Variants in PTN observed in about 807,000 individuals in gnomAD.
PTN encodes the protein pleiotrophin.
A neutral mutation model predicts 24.1 loss-of-function variants in PTN; 18 were observed. The ratio of observed to expected loss-of-function variants is 0.75; its 90% CI spans 0.52 to 1.11. PTN has a LOEUF of 1.11. PTN is among the 50% of genes least tolerant of loss of function. PTN has a pLI of 0.00. For synonymous variants in PTN, 78 were observed against 68.6 expected (o/e 1.14, Z -0.67); for missense variants, 163 against 198.8 (o/e 0.82, Z 1.08).
At chr7:137,237,756 C>T (rs1808549336) in intron 4 of PTN, among the ~76,000 whole-genome samples, 1 of 152,128 alleles carries the variant, frequency 6.6e-6, no homozygotes, top group African/African-American at 2.4e-5. Flanking sequence ...CTGTCTATAG[C>T]AGCAGCAGCA....
In PTN at chr7:137,254,959, C is replaced by T. The variant is rs761781300; in HGVS notation, c.15G>A (p.Gln5=). The change falls in exon 2 of 5, where the codon CAG becomes CAA. Residue 5 remains glutamine, a synonymous_variant. Transcript: ENST00000348225. ...CAAATTTTCGACGCTGCTGCTGGTA[C>T]TGTTGAGCCTGCATTCTAGGAATAA... is the stretch of plus-strand genomic sequence containing the variant. MQAQ[Q]YQQQRRKFAA... The T allele has an allele frequency of 2.6e-6, 4 of 1,547,462 alleles. No individual in the cohort carries two copies. The South Asian group carries it at 4.8e-5, about 19-fold the overall frequency.
chr7:137,318,111 A>T (rs972353119), intron 1 of PTN, among the ~76,000 whole-genome samples: 23 of 152,018 alleles, frequency 1.5e-4, no homozygotes, highest in Non-Finnish European at 3.1e-4. Context: ...TACTGAAAAT[A>T]AAAAAAATCA....
intron 1 of PTN, among the ~76,000 whole-genome samples, chr7:137,297,723 C>T (rs1431097): frequency 0.028 from 4,304 of 152,052 alleles, 93 homozygotes; most frequent in African/African-American, 0.058. Context: ...CCTCCATTGG[C>T]CAAAGCAAAG....
At chr7:137,306,937 C>T (rs1002507757) in intron 1 of PTN, among the ~76,000 whole-genome samples, 10 of 152,084 alleles carry the variant, frequency 6.6e-5, no homozygotes, top group East Asian at 3.9e-4. Flanking sequence ...CACACAATCT[C>T]GGGTGGTTAC....
At chr7:137,299,834 G>A (rs1427172999) in intron 1 of PTN, among the ~76,000 whole-genome samples, 1 of 151,884 alleles carries the variant, frequency 6.6e-6, no homozygotes, top group Non-Finnish European at 1.5e-5. Flanking sequence ...CAGAGACCCT[G>A]TCCTGACCCT....
intron 1 of PTN, among the ~76,000 whole-genome samples, chr7:137,321,695 T>C (rs140109832): frequency 1.3e-5 from 2 of 152,218 alleles, no homozygotes; most frequent in African/African-American, 4.8e-5. Flanking sequence ...CATTTCTCAG[T>C]AGCGCTATGG....
At chr7:137,275,679 T>C (rs751731667) in intron 1 of PTN, among the ~76,000 whole-genome samples, 21 of 130,498 alleles carry the variant, frequency 1.6e-4, no homozygotes, top group Admixed American at 8.0e-4. Context: ...GCAAACTGAA[T>C]TAGGTTCTGA....
chr7:137,286,199 T>C (rs1400281415), intron 1 of PTN, among the ~76,000 whole-genome samples: 1 of 152,186 alleles, frequency 6.6e-6, no homozygotes, highest in Non-Finnish European at 1.5e-5. Context: ...TTAAGATAGA[T>C]AAAGTCATTG....
chr7:137,310,869 A>C (rs1809970227), intron 1 of PTN, among the ~76,000 whole-genome samples: 1 of 152,120 alleles, frequency 6.6e-6, no homozygotes, highest in African/African-American at 2.4e-5. Context: ...CTTTCCTTAA[A>C]CCTCATGAAC....
At chr7:137,296,753 A>G (rs1194764777) in intron 1 of PTN, among the ~76,000 whole-genome samples, 1 of 152,054 alleles carries the variant, frequency 6.6e-6, no homozygotes, top group Non-Finnish European at 1.5e-5. Context: ...GCACCACACC[A>G]CTTAGCCCAT....
At chr7:137,285,036 T>C (rs767504968) in intron 1 of PTN, among the ~76,000 whole-genome samples, 2 of 152,148 alleles carry the variant, frequency 1.3e-5, no homozygotes, top group African/African-American at 2.4e-5. Context: ...ACTGAAGGTA[T>C]TACCTGACTA....
intron 1 of PTN, among the ~76,000 whole-genome samples, chr7:137,292,457 G>A (rs1337962326): frequency 6.6e-6 from 1 of 152,182 alleles, no homozygotes; most frequent in East Asian, 1.9e-4. Context: ...GTTTTATAAA[G>A]GAGAGTTCCC....
chr7:137,339,770 G>C (rs1263485664), intron 1 of PTN, among the ~76,000 whole-genome samples: 3 of 152,042 alleles, frequency 2.0e-5, no homozygotes, highest in African/African-American at 4.8e-5. Context: ...TGTTGGGTGG[G>C]AAATAGTGGC....
intron 4 of PTN, among the ~76,000 whole-genome samples, chr7:137,234,609 C>G (rs1393692913): frequency 6.6e-6 from 1 of 151,918 alleles, no homozygotes; most frequent in Non-Finnish European, 1.5e-5. Context: ...TTAAGAAAAT[C>G]TGGGAGAAAT....
At chr7:137,304,955 G>A (rs563505809) in intron 1 of PTN, among the ~76,000 whole-genome samples, 24 of 152,144 alleles carry the variant, frequency 1.6e-4, no homozygotes, top group African/African-American at 5.1e-4. Context: ...TATAGCGGCC[G>A]TATTATTTAG....
intron 1 of PTN, among the ~76,000 whole-genome samples, chr7:137,303,612 A>G (rs540563833): frequency 6.6e-6 from 1 of 152,158 alleles, no homozygotes; most frequent in Admixed American, 6.6e-5. Context: ...AGACAAATAA[A>G]ATGGAAAAGT....
At chr7:137,338,067 G>A (rs574269982) in intron 1 of PTN, among the ~76,000 whole-genome samples, 1 of 152,132 alleles carries the variant, frequency 6.6e-6, no homozygotes, top group Non-Finnish European at 1.5e-5. Context: ...ACTATAAGGG[G>A]TGATGGGGAG....
intron 1 of PTN, among the ~76,000 whole-genome samples, chr7:137,320,229 A>G (rs565738015): frequency 1.3e-5 from 2 of 152,348 alleles, no homozygotes; most frequent in East Asian, 3.9e-4. Context: ...TAATTCGCCC[A>G]CACATTCACA....
At chr7:137,312,788 G>A (rs776859770) in intron 1 of PTN, among the ~76,000 whole-genome samples, 9 of 151,974 alleles carry the variant, frequency 5.9e-5, no homozygotes, top group Non-Finnish European at 7.4e-5. Context: ...CTACCCATAC[G>A]ACAAATGTAT....
Sources: allele counts gnomAD v4.1 joint callset (sites outside exome capture counted in the v4.1 genomes callset), GRCh38; gene constraint gnomAD v4.1.1; transcripts MANE v1.5; gene names NCBI Gene and HGNC (gene_info 2026-07-23, HGNC 2026-07-21).